Variants in SIPA1L2 observed in about 807,000 individuals in gnomAD.
SIPA1L2 encodes signal-induced proliferation-associated 1-like protein 2.
Under a neutral mutation model 163.9 loss-of-function variants are expected in SIPA1L2, and 56 were observed. The observed-to-expected ratio is 0.34, with a 90% CI of 0.28 to 0.43. The LOEUF (loss-of-function observed/expected upper bound fraction) is 0.43, where lower values mean the gene tolerates loss of function less well. Among genes scored for constraint, SIPA1L2 ranks in the 20% least tolerant of loss-of-function variants. SIPA1L2 has a pLI of 1.00. For missense variants in SIPA1L2, 1,974 were observed against 2,193.5 expected (o/e 0.90, Z 2.00); for synonymous variants, 877 against 865.7 (o/e 1.01, Z -0.23).
In SIPA1L2 at chr1:232,461,127, G is replaced by A; in HGVS notation, c.2855C>T (p.Thr952Ile). ...VTRGCETVEM[T>I]LRRNGLGQLG... ...CTGGCCCAGCCCGTTCCTCCTCAGG[G>A]TCATTTCCACAGTCTCGCAGCCTCT... Residue 952 changes from threonine to isoleucine, a missense_variant, in exon 10 of 23, where the codon ACC (threonine) becomes ATC (isoleucine). Thr to Ile is a moderately conservative substitution (Grantham distance 89). Around this residue, in one of 3 missense-constraint regions of SIPA1L2, gnomAD observed 1,079 missense variants for 1,150.7 expected, o/e 0.94. Coordinates refer to ENST00000674635, the MANE Select transcript of SIPA1L2 (RefSeq NM_020808.5). 1 of 1,614,264 alleles carries A rather than the reference G, an allele frequency of 6.2e-7. No individual in the cohort carries two copies. Among genetic ancestry groups the A allele is most frequent in the Non-Finnish European group, 8.5e-7 (1 of 1,180,042 alleles).
At chr1:232,425,961 G>A (rs1280798691) in intron 17 of SIPA1L2, among the ~76,000 whole-genome samples, 153 bp from the exon 18 acceptor site, 2 of 152,146 alleles carry the variant, frequency 1.3e-5, no homozygotes, top group Non-Finnish European at 2.9e-5. Context: ...AGCATGCAGG[G>A]GATCAAGGCA....
chr1:232,409,113 A>G (rs1660805672), intron 19 of SIPA1L2, among the ~76,000 whole-genome samples: 1 of 152,168 alleles, frequency 6.6e-6, no homozygotes, highest in African/African-American at 2.4e-5. Context: ...TGTTTTAATT[A>G]TTATTAAGTT....
At position 232,514,482 on chromosome 1, in the gene SIPA1L2, C is replaced by A. The variant is rs370449684; in HGVS notation, c.858G>T (p.Ser286=). 6.2e-7 allele frequency: 1 copy of A among 1,614,152 alleles called. No individual in the cohort carries two copies. The highest frequency in any genetic ancestry group is 2.2e-5 in the East Asian group (1 of 44,874). The change falls in exon 3 of 23, where the codon TCG becomes TCT. Residue 286 remains serine (S), a synonymous_variant. Transcript: ENST00000674635. ...KPFKRRLKSE[S]VETSLFRKLR... ...GCTTTCGGAAGAGAGATGTTTCCAC[C>A]GACTCTGATTTCAACCTCCGTTTGA... is the stretch of plus-strand genomic sequence containing the variant.
intron 22 of SIPA1L2, among the ~76,000 whole-genome samples, chr1:232,401,969 A>G (rs73111033): frequency 0.014 from 2,151 of 152,328 alleles, 68 homozygotes; most frequent in African/African-American, 0.049. Flanking sequence ...GTTGATGTGT[A>G]CAGCAGAAGT....
chr1:232,404,253 T>C, intron 19 of SIPA1L2, 75 bp from the exon 20 acceptor site: 8 of 1,385,388 alleles, frequency 5.8e-6, no homozygotes, highest in Non-Finnish European at 8.1e-6. Context: ...GCCCACAAAA[T>C]GCGGCTGTGT....
chr1:232,448,948 G>GACA (rs2102882641), intron 10 of SIPA1L2, among the ~76,000 whole-genome samples: 1 of 152,224 alleles, frequency 6.6e-6, no homozygotes, highest in East Asian at 1.9e-4. Flanking sequence ...GGATGAAAAT[G>GACA]ACAAGCCTAA....
chr1:232,534,835 C>T (rs1657205430), intron 2 of SIPA1L2, among the ~76,000 whole-genome samples: 1 of 152,226 alleles, frequency 6.6e-6, no homozygotes, highest in African/African-American at 2.4e-5. Flanking sequence ...GTTAACACTG[C>T]TCCCCTGACA....
chr1:232,474,563 A>G (rs189932490), intron 7 of SIPA1L2, among the ~76,000 whole-genome samples: 3 of 152,314 alleles, frequency 2.0e-5, no homozygotes, highest in South Asian at 4.1e-4. Context: ...CAGTAGGGAA[A>G]CTGTCATTAG....
chr1:232,422,130 C>G (rs577644113), intron 18 of SIPA1L2, among the ~76,000 whole-genome samples: 44 of 152,212 alleles, frequency 2.9e-4, no homozygotes, highest in Admixed American at 5.9e-4. Flanking sequence ...CACCTGGGCC[C>G]TTAAATAAAT....
intron 5 of SIPA1L2, 37 bp from the exon 6 acceptor site, chr1:232,484,003 A>T (rs768628223): frequency 6.4e-7 from 1 of 1,572,052 alleles, no homozygotes; most frequent in African/African-American, 1.4e-5. Context: ...TTGGCAAAGC[A>T]TATCAGACAA....
Position 232,471,442 on chromosome 1 carries a change from G to C in SIPA1L2, c.2172C>G (p.Ile724Met). The change falls in exon 8 of 23, where the codon ATC (isoleucine) becomes ATG (methionine). Residue 724 changes from isoleucine to methionine, a missense_variant. By Grantham distance (10) the Ile-to-Met change is conservative. This residue lies in a region of SIPA1L2 where 288 missense variants were observed against 418.9 expected (regional missense o/e 0.69). Coordinates refer to ENST00000674635, the MANE Select transcript of SIPA1L2 (RefSeq NM_020808.5). ...PGALPFTPKS[I>M]RSHFQHVFVI... ...CAAAGACATGCTGAAAGTGAGACCG[G>C]ATGCTTTTTGGAGTAAAAGGAAGTG... The C allele has an allele frequency of 6.2e-7, 1 of 1,614,106 alleles. No individual in the cohort carries two copies. The highest frequency in any genetic ancestry group is 8.5e-7 in the Non-Finnish European group (1 of 1,179,964).
intron 18 of SIPA1L2, 71 bp downstream of exon 18, chr1:232,425,518 T>TCAA: frequency 8.4e-7 from 1 of 1,191,296 alleles, no homozygotes; most frequent in Admixed American, 2.8e-5. Context: ...CCCTCAGAGC[T>TCAA]CAATGAGGCA....
Position 232,428,435 on chromosome 1 carries a change from G to A in SIPA1L2, c.4386C>T (p.Pro1462=). 4 of 1,574,694 alleles carry A rather than the reference G, an allele frequency of 2.5e-6. No homozygotes were observed. Among genetic ancestry groups the A allele is most frequent in the Non-Finnish European group, 3.4e-6 (4 of 1,161,636 alleles). Residue 1462 remains proline, a synonymous_variant, in exon 17 of 23, where the codon CCC becomes CCT. Coordinates refer to ENST00000674635, the MANE Select transcript of SIPA1L2 (RefSeq NM_020808.5). ...DFLKLMLPDS[P]LVEEGRRKFS... ...CCTTTCTTCGCCCCTCCTCCACTAA[G>A]GGGCTGTCAGGAAGCATCAATTTCA... is the stretch of plus-strand genomic sequence containing the variant.
At chr1:232,537,818 T>G (rs987382715) in intron 2 of SIPA1L2, among the ~76,000 whole-genome samples, 1 of 152,248 alleles carries the variant, frequency 6.6e-6, no homozygotes, top group Non-Finnish European at 1.5e-5. Flanking sequence ...AGGCTTAGAA[T>G]AGTGCCTCCC....
intron 15 of SIPA1L2, 56 bp from the exon 16 acceptor site, chr1:232,432,527 A>G (rs899740238): frequency 7.2e-6 from 11 of 1,533,666 alleles, no homozygotes; most frequent in African/African-American, 2.7e-5. Flanking sequence ...CAGTGCTGGC[A>G]CACGGCCAAA....
chr1:232,527,463 A>T (rs1667761429), intron 2 of SIPA1L2, among the ~76,000 whole-genome samples: 1 of 152,186 alleles, frequency 6.6e-6, no homozygotes, highest in Non-Finnish European at 1.5e-5. Context: ...CAGGGCACTG[A>T]GGGGAAGACT....
intron 1 of SIPA1L2, among the ~76,000 whole-genome samples, chr1:232,602,604 C>T (rs10910571): frequency 0.067 from 10,152 of 152,058 alleles, 873 homozygotes; most frequent in African/African-American, 0.19. Context: ...GCTGGGACTA[C>T]GGGCGTGAGC....
chr1:232,593,437 T>C (rs1661069064), intron 1 of SIPA1L2, among the ~76,000 whole-genome samples: 1 of 152,166 alleles, frequency 6.6e-6, no homozygotes, highest in Non-Finnish European at 1.5e-5. Context: ...AAGCAGGATA[T>C]TAATGGGGGC....
chr1:232,403,686 C>T lies in SIPA1L2; in HGVS notation c.4817-115G>A, dbSNP rs970333134. On this transcript the variant is annotated intron_variant, in intron 20 of 22. Coordinates refer to ENST00000674635, the MANE Select transcript of SIPA1L2 (RefSeq NM_020808.5). Reference sequence around the variant, plus strand: ...TCTTTTCCCCCCTTCAAACCAGTTACTGCCTTGTTTTGGAGCAAAACAAAG... The same window carrying T: ...TCTTTTCCCCCCTTCAAACCAGTTATTGCCTTGTTTTGGAGCAAAACAAAG... 6.7e-6 allele frequency: 9 copies of T among 1,352,200 alleles called. No homozygotes were observed. The Admixed American group carries it at 1.3e-4, about 20-fold the overall frequency. The allele number at this position is 1,352,200 out of a possible 1,614,324, so 83.8% of individuals were successfully genotyped here. A position where few individuals can be genotyped will look rare whatever the true frequency, so the allele number is the denominator to read the frequency against.
Sources: allele counts gnomAD v4.1 joint callset (sites outside exome capture counted in the v4.1 genomes callset), GRCh38; gene constraint gnomAD v4.1.1; regional missense constraint gnomAD v4.1.1; transcripts MANE v1.5; gene names NCBI Gene and HGNC (gene_info 2026-07-23, HGNC 2026-07-21).